The following TELO2 variants were observed in gnomAD, a reference collection of about 807,000 sequenced individuals.
The protein encoded by TELO2 is telomere length regulation protein TEL2 homolog.
In TELO2, 71 loss-of-function variants were observed where a neutral mutation model predicts 91.0. That is an observed-to-expected ratio of 0.78 (90% CI 0.64 to 0.95). The LOEUF (loss-of-function observed/expected upper bound fraction) is 0.95, where lower values mean the gene tolerates loss of function less well. TELO2 is among the 40% of genes least tolerant of loss of function. TELO2 has a pLI of 0.00. For missense variants in TELO2, 1,183 were observed against 1,141.3 expected (o/e 1.04, Z -0.53); for synonymous variants, 584 against 518.9 (o/e 1.13, Z -1.71).
intron 9 of TELO2, 87 bp from the exon 10 acceptor site, chr16:1,501,333 C>T (rs1457240294): frequency 6.9e-7 from 1 of 1,441,198 alleles, no homozygotes; most frequent in African/African-American, 1.4e-5. Context: ...CGAGGGAGGC[C>T]ACAGTGGGGA....
In TELO2 at chr16:1,494,679, A is replaced by C; in HGVS notation, c.335+63A>C. 9 of 1,504,710 alleles carry C rather than the reference A, an allele frequency of 6.0e-6. No homozygotes were observed. Among genetic ancestry groups the C allele is most frequent in the Non-Finnish European group, 8.1e-6 (9 of 1,117,282 alleles). 93.2% of individuals were successfully genotyped at this position (1,504,710 alleles called of 1,614,324 possible). A position where few individuals can be genotyped will look rare whatever the true frequency, so the allele number is the denominator to read the frequency against. On this transcript the variant is annotated intron_variant, in intron 2 of 20. Coordinates refer to ENST00000262319, the MANE Select transcript of TELO2 (RefSeq NM_016111.4). The surrounding 1 kb of genome is among the most constrained non-coding windows in gnomAD (Gnocchi z 5.6). Reference sequence around the variant, plus strand: ...CTCAGAAGTGATGAGAGTGGCTTGAAGGACTGGACCAAGAGCCTCTCTAGT... The same window carrying C: ...CTCAGAAGTGATGAGAGTGGCTTGACGGACTGGACCAAGAGCCTCTCTAGT...
intron 9 of TELO2, among the ~76,000 whole-genome samples, chr16:1,501,008 G>A (rs2039659039): frequency 6.6e-6 from 1 of 152,240 alleles, no homozygotes; most frequent in African/African-American, 2.4e-5. Flanking sequence ...GTCCGGCCGG[G>A]GCTGCAGGGC....
rs202236788 is a variant in TELO2, at chr16:1,505,396, C to A, written c.1843-14C>A. ...TGGAGCAGTGGCGACGGCCCTGGGC[C>A]TGTCTCCCTCCAGGTGCTGACTCTG... On this transcript the variant is annotated splice_polypyrimidine_tract_variant and intron_variant, in intron 15 of 20. Coordinates refer to ENST00000262319, the MANE Select transcript of TELO2 (RefSeq NM_016111.4). This position sits in a 1 kb window ranked among gnomAD's most constrained non-coding sequence, Gnocchi z 4.3. 640 of 1,603,440 alleles carry A rather than the reference C, an allele frequency of 4.0e-4. 6 individuals are homozygous for A. The highest frequency in any genetic ancestry group is 4.1e-5 in the Non-Finnish European group (48 of 1,172,656).
rs1009801331 is a variant in TELO2 at position 1,506,814 on chromosome 16, C to T, written c.2127-138C>T. The T allele has an allele frequency of 6.3e-6, 9 of 1,423,714 alleles. No individual in the cohort carries two copies. The Admixed American group carries it at 8.6e-5, about 14-fold the overall frequency. 88.2% of individuals were successfully genotyped at this position (1,423,714 alleles called of 1,614,324 possible). ...AGGCACCCGGAAATGTCTGCTCCTA[C>T]GATCTCGGTGCAGGCAAGGCGGTGG... On this transcript the variant is annotated intron_variant, in intron 17 of 20. Coordinates refer to ENST00000262319, the MANE Select transcript of TELO2 (RefSeq NM_016111.4).
At chr16:1,503,584 G>A (rs1567302720) in intron 15 of TELO2, among the ~76,000 whole-genome samples, 1 of 152,208 alleles carries the variant, frequency 6.6e-6, no homozygotes, top group Non-Finnish European at 1.5e-5. Flanking sequence ...ACTGCCACAC[G>A]ATGAGCCTTG....
chr16:1,507,512 C>T (rs533968224), intron 19 of TELO2, 89 bp from the exon 20 acceptor site: 129 of 1,479,920 alleles, frequency 8.7e-5, no homozygotes, highest in South Asian at 2.2e-4. Context: ...CAGGCAGGGC[C>T]GCAGCGTGGG....
intron 5 of TELO2, among the ~76,000 whole-genome samples, chr16:1,498,622 C>T (rs1478425269): frequency 2.0e-5 from 3 of 151,990 alleles, no homozygotes; most frequent in East Asian, 1.9e-4. Context: ...TTTTTTGTAG[C>T]GACGGGGCTC....
At chr16:1,502,836 C>T (rs566467751) in intron 14 of TELO2, 75 bp downstream of exon 14, 63 of 1,601,520 alleles carry the variant, frequency 3.9e-5, no homozygotes, top group African/African-American at 3.2e-4. Flanking sequence ...GCCTGAGTCT[C>T]GGTCCTGTGC....
chr16:1,507,121 C>A, intron 18 of TELO2, 70 bp downstream of exon 18: 1 of 1,524,180 alleles, frequency 6.6e-7, no homozygotes, highest in South Asian at 1.2e-5. Context: ...TCAGCCTCAC[C>A]TGCGCCCAGG....
intron 3 of TELO2, among the ~76,000 whole-genome samples, chr16:1,496,041 C>T (rs1425613779): frequency 2.6e-5 from 4 of 152,228 alleles, no homozygotes; most frequent in Non-Finnish European, 4.4e-5. Context: ...TGGCGGCTGC[C>T]GCGAGTGTGC....
At chr16:1,506,749 G>A in intron 17 of TELO2, 1 of 1,400,668 alleles carries the variant, frequency 7.1e-7, no homozygotes, top group Non-Finnish European at 9.3e-7. Context: ...GGAACTCCTG[G>A]CCCAGGTGGA....
At chr16:1,507,525 G>A (rs898155201) in intron 19 of TELO2, 76 bp from the exon 20 acceptor site, 1 of 1,487,556 alleles carries the variant, frequency 6.7e-7, no homozygotes, top group African/African-American at 1.4e-5. Flanking sequence ...AGCGTGGGTG[G>A]TCTGCCACAC....
chr16:1,505,185 TTCTCA>T lies in TELO2; in HGVS notation c.1843-220_1843-216del. The T allele has an allele frequency of 3.6e-6, 2 of 562,768 alleles. No individual in the cohort carries two copies. The highest frequency in any genetic ancestry group is 3.1e-6 in the Non-Finnish European group (1 of 317,738). The allele number at this position is 562,768 out of a possible 1,614,324, so 34.9% of individuals were successfully genotyped here. A position where few individuals can be genotyped will look rare whatever the true frequency, so the allele number is the denominator to read the frequency against. On this transcript the variant is annotated intron_variant, in intron 15 of 20. Coordinates refer to ENST00000262319, the MANE Select transcript of TELO2 (RefSeq NM_016111.4). The surrounding 1 kb of genome is among the most constrained non-coding windows in gnomAD (Gnocchi z 4.3). Reference sequence around the variant, plus strand: ...GAGGCTGCGCTCGGCCCTGGGCGTGTTCTCATCTCCTGGAGCACGGTGCCCACCTT... The same window carrying T: ...GAGGCTGCGCTCGGCCCTGGGCGTGTTCTCCTGGAGCACGGTGCCCACCTT...
chr16:1,500,295 G>A (rs2039630266), intron 7 of TELO2, 52 bp from the exon 8 acceptor site: 7 of 1,540,078 alleles, frequency 4.5e-6, no homozygotes, highest in Admixed American at 1.9e-5. Flanking sequence ...TGGGCCTGGC[G>A]GGGACAGACT....
rs1429377880 is a variant in TELO2, at chr16:1,500,388, C to T, written c.1044C>T (p.Ala348=). ...ELLETWGSSS[A]IRHTPLPQQR... ...TGGAGACGTGGGGCAGCAGCAGTGC[C>T]ATCCGCCACACTCCCCTGCCGCAGC... is the stretch of plus-strand genomic sequence containing the variant. Residue 348 remains alanine, a synonymous_variant, in exon 8 of 21, where the codon GCC becomes GCT. Coordinates refer to ENST00000262319, the MANE Select transcript of TELO2 (RefSeq NM_016111.4). 1 of 1,597,988 alleles carries T rather than the reference C, an allele frequency of 6.3e-7. No homozygotes were observed.
chr16:1,497,462 C>A lies in TELO2; in HGVS notation c.784C>A (p.Arg262=). Residue 262 remains arginine, a synonymous_variant, in exon 5 of 21, where the codon CGG becomes AGG. Transcript: ENST00000262319. The surrounding 1 kb of genome is among the most constrained non-coding windows in gnomAD (Gnocchi z 4.0). ...GCGCCTGGTGGAGCAAGTGCCGGAC[C>A]GGGCCATGGAGGCTGTGCTGACCGG... ...CWRLVEQVPD[R]AMEAVLTGLV... 6.4e-7 allele frequency: 1 copy of A among 1,574,334 alleles called. No homozygotes were observed. Among genetic ancestry groups the A allele is most frequent in the African/African-American group, 1.4e-5 (1 of 73,970 alleles).
In TELO2 at chr16:1,497,384, C is replaced by G. The variant is rs1446819953; in HGVS notation, c.706C>G (p.Pro236Ala). Residue 236 changes from proline (P) to alanine (A), a missense_variant, in exon 5 of 21, where the codon CCC becomes GCC. Transcript: ENST00000262319. This position sits in a 1 kb window ranked among gnomAD's most constrained non-coding sequence, Gnocchi z 4.0. ...AGAGGAGATCCTGGGCGTGCTGGTA[C>G]CCCGGCTGGCAGCGCTCACCCAGGG... is the stretch of plus-strand genomic sequence containing the variant. ...RQQEILGVLV[P>A]RLAALTQGSY... 2.6e-6 allele frequency: 4 copies of G among 1,549,028 alleles called. No homozygotes were observed. The highest frequency in any genetic ancestry group is 3.5e-6 in the Non-Finnish European group (4 of 1,146,450).
chr16:1,502,007 C>T, intron 11 of TELO2, 40 bp from the exon 12 acceptor site: 3 of 1,611,972 alleles, frequency 1.9e-6, no homozygotes, highest in South Asian at 2.2e-5. Flanking sequence ...CTTCCTGTCA[C>T]AGGCCATGGG....
chr16:1,505,376 C>CA lies in TELO2; in HGVS notation c.1843-33dup. 6.3e-7 allele frequency: 1 copy of CA among 1,587,822 alleles called. No homozygotes were observed. The highest frequency in any genetic ancestry group is 8.6e-7 in the Non-Finnish European group (1 of 1,162,128). ...TCTTGGGAAATGTTCTTCCCTGGAG[C>CA]AGTGGCGACGGCCCTGGGCCTGTCT... is the stretch of plus-strand genomic sequence containing the variant. On this transcript the variant is annotated intron_variant, in intron 15 of 20. Coordinates refer to ENST00000262319, the MANE Select transcript of TELO2 (RefSeq NM_016111.4). This position sits in a 1 kb window ranked among gnomAD's most constrained non-coding sequence, Gnocchi z 4.3.
Sources: gnomAD v4.1 joint callset for allele counts (sites outside exome capture counted in the v4.1 genomes callset) on GRCh38, gnomAD v4.1.1 for gene constraint, Gnocchi (gnomAD v3.1) non-coding constraint, MANE v1.5 for transcripts, NCBI Gene and HGNC (gene_info 2026-07-23, HGNC 2026-07-21) for gene names.